The following PPP3CA variants were observed in gnomAD, a reference collection of about 807,000 sequenced individuals.
PPP3CA encodes protein phosphatase 3 catalytic subunit alpha.
A neutral mutation model predicts 66.5 loss-of-function variants in PPP3CA; 14 were observed. That is an observed-to-expected ratio of 0.21 (90% CI 0.14 to 0.33). The LOEUF (loss-of-function observed/expected upper bound fraction) is 0.33, where lower values mean the gene tolerates loss of function less well. PPP3CA is among the 10% of genes least tolerant of loss of function. The pLI, the probability that PPP3CA is intolerant of heterozygous loss-of-function variation, is 1.00. For synonymous variants in PPP3CA, 232 were observed against 226.2 expected (o/e 1.03, Z -0.23); for missense variants, 317 against 639.5 (o/e 0.50, Z 5.44).
chr4:101,133,548 G>C (rs755912739), intron 2 of PPP3CA, among the ~76,000 whole-genome samples: 5 of 152,046 alleles, frequency 3.3e-5, no homozygotes, highest in Non-Finnish European at 7.4e-5. Flanking sequence ...GGGATGTGAA[G>C]GACCTCTTCA....
rs752392520 is a variant in PPP3CA at position 101,346,840 on chromosome 4, C to A, written c.-44G>T. ...AGCGACGCGCTGCTCGTCCGTCCGA[C>A]TGCACACCCCGACCGGACCGGCGGG... On this transcript the variant is annotated 5_prime_UTR_variant, in exon 1 of 14. Transcript: ENST00000394854. The A allele has an allele frequency of 6.2e-5, 99 of 1,593,100 alleles. No individual in the cohort carries two copies. The highest frequency in any genetic ancestry group is 8.3e-5 in the Non-Finnish European group (97 of 1,171,012).
chr4:101,283,455 G>A (rs554512722), intron 1 of PPP3CA, among the ~76,000 whole-genome samples: 176 of 152,218 alleles, frequency 1.2e-3, no homozygotes, highest in Admixed American at 2.3e-3. Flanking sequence ...AACATAGAGT[G>A]GTATTTTTAA....
chr4:101,047,044 C>T (rs1271744955), intron 10 of PPP3CA, among the ~76,000 whole-genome samples: 1 of 152,138 alleles, frequency 6.6e-6, no homozygotes, highest in East Asian at 1.9e-4. Context: ...ACATGTCCAA[C>T]AGTTGAAGTA....
intron 9 of PPP3CA, among the ~76,000 whole-genome samples, chr4:101,061,623 A>T (rs974192349): frequency 3.3e-5 from 5 of 152,104 alleles, no homozygotes; most frequent in Admixed American, 6.6e-5. Flanking sequence ...GTTTAATACA[A>T]ACTGTTGATT....
intron 10 of PPP3CA, 56 bp downstream of exon 10, chr4:101,061,031 A>G: frequency 7.3e-7 from 1 of 1,376,884 alleles, no homozygotes; most frequent in Non-Finnish European, 1.0e-6. Context: ...TTTAGCAATG[A>G]GACTCTAAGT....
intron 1 of PPP3CA, among the ~76,000 whole-genome samples, chr4:101,314,917 T>C (rs1728838887): frequency 6.6e-6 from 1 of 152,234 alleles, no homozygotes; most frequent in Non-Finnish European, 1.5e-5. Context: ...ACATATTTCA[T>C]TTGTATTTTT....
At chr4:101,159,125 A>G (rs1464349145) in intron 2 of PPP3CA, among the ~76,000 whole-genome samples, 1 of 152,198 alleles carries the variant, frequency 6.6e-6, no homozygotes, top group East Asian at 1.9e-4. Flanking sequence ...TAAGTGGCCA[A>G]AATTCTTAAG....
intron 2 of PPP3CA, among the ~76,000 whole-genome samples, chr4:101,128,643 G>A (rs1722324313): frequency 6.6e-6 from 1 of 151,784 alleles, no homozygotes; most frequent in African/African-American, 2.4e-5. Context: ...AAGTGCAAGG[G>A]GTTGTGAAAC....
At chr4:101,244,551 GACTA>G (rs1249165393) in intron 1 of PPP3CA, among the ~76,000 whole-genome samples, 1 of 152,112 alleles carries the variant, frequency 6.6e-6, no homozygotes, top group Non-Finnish European at 1.5e-5. Context: ...AATGAGGACT[GACTA>G]ACAGCACAAT....
intron 1 of PPP3CA, among the ~76,000 whole-genome samples, chr4:101,305,682 A>T (rs1273146384): frequency 1.2e-4 from 18 of 152,186 alleles, no homozygotes; most frequent in Admixed American, 1.2e-3. Context: ...TGAGAGTTAT[A>T]ATATCAAAAC....
chr4:101,236,381 C>A (rs898798281), intron 1 of PPP3CA, among the ~76,000 whole-genome samples: 1 of 151,866 alleles, frequency 6.6e-6, no homozygotes, highest in Non-Finnish European at 1.5e-5. Flanking sequence ...TTTAGAAGAA[C>A]TGAAAGAAAC....
chr4:101,023,507 A>G lies in PPP3CA; in HGVS notation c.*2358T>C, dbSNP rs1726476846. The G allele has an allele frequency of 6.6e-6, 1 of 152,248 alleles. No individual in the cohort carries two copies. Among genetic ancestry groups the G allele is most frequent in the Non-Finnish European group, 1.5e-5 (1 of 68,040 alleles). The allele number at this position is 152,248 out of a possible 1,614,324, so 9.4% of individuals were successfully genotyped here. On this transcript the variant is annotated 3_prime_UTR_variant, in exon 14 of 14. Transcript: ENST00000394854. ...TTGTAAAAGAAAGGAATCCAAAAAA[A>G]TGAATTTTTTTTAGTCAGGATATTT...
chr4:101,325,750 T>C (rs1299622099), intron 1 of PPP3CA, among the ~76,000 whole-genome samples: 5 of 152,194 alleles, frequency 3.3e-5, no homozygotes, highest in Non-Finnish European at 4.4e-5. Context: ...TCATATTGTG[T>C]CATGCTCTTT....
At chr4:101,273,607 G>A (rs533224124) in intron 1 of PPP3CA, among the ~76,000 whole-genome samples, 2 of 152,326 alleles carry the variant, frequency 1.3e-5, no homozygotes, top group East Asian at 1.9e-4. Flanking sequence ...TTAGAGGCGT[G>A]AGCCACCACA....
intron 7 of PPP3CA, 57 bp downstream of exon 7, chr4:101,083,129 A>C: frequency 1.5e-6 from 2 of 1,294,928 alleles, no homozygotes; most frequent in Non-Finnish European, 2.0e-6. Flanking sequence ...AAGCAAAGTG[A>C]GGAAGTTCTG....
intron 1 of PPP3CA, chr4:101,330,392 A>G (rs1379583758): frequency 1.9e-6 from 1 of 530,576 alleles, no homozygotes; most frequent in Non-Finnish European, 3.9e-6. Flanking sequence ...CATCCTTGAG[A>G]AGCAACTCAA....
In PPP3CA at chr4:101,024,462, T is replaced by A. The variant is rs1726532714; in HGVS notation, c.*1403A>T. Reference sequence around the variant, plus strand: ...AGGCTTTAGGCTGTAGTGAATTACTTGGGCACTTATACAATTGTTAAAAAA... The same window carrying A: ...AGGCTTTAGGCTGTAGTGAATTACTAGGGCACTTATACAATTGTTAAAAAA... On this transcript the variant is annotated 3_prime_UTR_variant, in exon 14 of 14. Transcript: ENST00000394854. The A allele has an allele frequency of 6.6e-6, 1 of 152,660 alleles. No homozygotes were observed. 9.5% of individuals were successfully genotyped at this position (152,660 alleles called of 1,614,324 possible).
intron 1 of PPP3CA, among the ~76,000 whole-genome samples, chr4:101,300,861 T>C (rs746489648): frequency 3.3e-5 from 5 of 152,096 alleles, no homozygotes; most frequent in African/African-American, 7.2e-5. Flanking sequence ...TCCCTCAAAA[T>C]AATAATATCT....
chr4:101,140,755 G>A (rs1412897439), intron 2 of PPP3CA, among the ~76,000 whole-genome samples: 1 of 152,142 alleles, frequency 6.6e-6, no homozygotes, highest in East Asian at 1.9e-4. Flanking sequence ...AATGACTGCA[G>A]GTGTCAAAAG....
Sources: gnomAD v4.1 joint callset for allele counts (sites outside exome capture counted in the v4.1 genomes callset) on GRCh38, gnomAD v4.1.1 for gene constraint, MANE v1.5 for transcripts, NCBI Gene and HGNC (gene_info 2026-07-23, HGNC 2026-07-21) for gene names.